Variants in DMBX1 observed in about 807,000 individuals in gnomAD.
The protein encoded by DMBX1 is diencephalon/mesencephalon homeobox 1.
Under a neutral mutation model 30.4 loss-of-function variants are expected in DMBX1, and 7 were observed. The observed-to-expected ratio is 0.23, with a 90% CI of 0.13 to 0.43. The LOEUF (loss-of-function observed/expected upper bound fraction) is 0.43, where lower values mean the gene tolerates loss of function less well. DMBX1 is among the 20% of genes least tolerant of loss of function. The probability of loss-of-function intolerance (pLI) is 1.00; values close to 1 mark genes in which losing one functional copy is unlikely to be tolerated. For synonymous variants in DMBX1, 222 were observed against 214.2 expected, an observed-to-expected ratio of 1.04 and a Z score of -0.32; for missense variants, 460 against 508.5, an observed-to-expected ratio of 0.90 and a Z score of 0.92.
chr1:46,508,813 C>T (rs978159284), intron 3 of DMBX1, among the ~76,000 whole-genome samples: 3 of 145,114 alleles, frequency 2.1e-5, no homozygotes, highest in African/African-American at 7.6e-5. Flanking sequence ...TACACGCCCC[C>T]CACCCCCCAC....
At chr1:46,511,667 C>A (rs1276602639) in intron 5 of DMBX1, among the ~76,000 whole-genome samples, 3 of 152,030 alleles carry the variant, frequency 2.0e-5, no homozygotes, top group Admixed American at 1.3e-4. Flanking sequence ...AGAGCTCTGG[C>A]ATGAGGCATA....
chr1:46,496,074 G>C (rs185354438), intron 2 of DMBX1, among the ~76,000 whole-genome samples: 4 of 152,334 alleles, frequency 2.6e-5, no homozygotes, highest in Non-Finnish European at 5.9e-5. Flanking sequence ...GCCCCTGGCA[G>C]GGGGAGGAAG....
intron 2 of DMBX1, among the ~76,000 whole-genome samples, chr1:46,492,429 C>T (rs956691033): frequency 7.9e-5 from 12 of 152,192 alleles, no homozygotes; most frequent in Admixed American, 6.5e-4. Context: ...CTCTCCTGGG[C>T]GTCAGTGCTC....
rs1281052204 is a variant in DMBX1 at position 46,514,357 on chromosome 1, G to A, written c.*1863G>A. 6.6e-6 allele frequency: 1 copy of A among 152,222 alleles called. No homozygotes were observed. Among genetic ancestry groups the A allele is most frequent in the Non-Finnish European group, 1.5e-5 (1 of 68,050 alleles). The allele number at this position is 152,222 out of a possible 1,614,324, so 9.4% of individuals were successfully genotyped here. A position where few individuals can be genotyped will look rare whatever the true frequency, so the allele number is the denominator to read the frequency against. ...CATTTGCTCGCAACCTTGTAACACA[G>A]AAGTTTTTAGTTAAATTGACAACAG... On this transcript the variant is annotated 3_prime_UTR_variant, in exon 6 of 6. Coordinates refer to ENST00000360032, the MANE Select transcript of DMBX1 (RefSeq NM_172225.2).
At chr1:46,506,464 G>C (rs1666237670) in intron 2 of DMBX1, among the ~76,000 whole-genome samples, 1 of 152,242 alleles carries the variant, frequency 6.6e-6, no homozygotes, top group Non-Finnish European at 1.5e-5. Context: ...ATAAGTGTGT[G>C]AGTGAATCAA....
rs781013613 is a variant in DMBX1, at chr1:46,511,147, A to G, written c.546A>G (p.Ser182=). 3 of 1,613,994 alleles carry G rather than the reference A, an allele frequency of 1.9e-6. No homozygotes were observed. In the Admixed American group the frequency reaches 5.0e-5, roughly 27 times the overall value. ...AELHLSLSEQ[S]ASESAPEDQP... Reference sequence around the variant, plus strand: ...TTCACCTGAGTCTGTCTGAGCAGTCAGCCAGTGAGTCAGCCCCCGAGGATC... The same window carrying G: ...TTCACCTGAGTCTGTCTGAGCAGTCGGCCAGTGAGTCAGCCCCCGAGGATC... Residue 182 remains serine (S), a synonymous_variant, in exon 5 of 6, where the codon TCA becomes TCG. Coordinates refer to ENST00000360032, the MANE Select transcript of DMBX1 (RefSeq NM_172225.2).
At position 46,510,326 on chromosome 1, in the gene DMBX1, G is replaced by T. The variant is rs531106718; in HGVS notation, c.155-150G>T. The T allele has an allele frequency of 4.4e-6, 4 of 911,840 alleles. No individual in the cohort carries two copies. The highest frequency in any genetic ancestry group is 1.7e-5 in the African/African-American group (1 of 59,550). The allele number at this position is 911,840 out of a possible 1,614,324, so 56.5% of individuals were successfully genotyped here. A position where few individuals can be genotyped will look rare whatever the true frequency, so the allele number is the denominator to read the frequency against. On this transcript the variant is annotated intron_variant, in intron 3 of 5. Coordinates refer to ENST00000360032, the MANE Select transcript of DMBX1 (RefSeq NM_172225.2). The surrounding 1 kb of genome is among the most constrained non-coding windows in gnomAD (Gnocchi z 4.1). ...AAAGCCCACAGCCATATGGAGAGGGGATGGCTGATTTCTAAGGGTAAGGGA... is the reference window on the plus strand; with the variant it reads ...AAAGCCCACAGCCATATGGAGAGGGTATGGCTGATTTCTAAGGGTAAGGGA...
chr1:46,510,313 C>T lies in DMBX1; in HGVS notation c.155-163C>T. Reference sequence around the variant, plus strand: ...TGGAGAGACCTTGAAAGCCCACAGCCATATGGAGAGGGGATGGCTGATTTC... The same window carrying T: ...TGGAGAGACCTTGAAAGCCCACAGCTATATGGAGAGGGGATGGCTGATTTC... On this transcript the variant is annotated intron_variant, in intron 3 of 5. Transcript: ENST00000360032. The surrounding 1 kb of genome is among the most constrained non-coding windows in gnomAD (Gnocchi z 4.1). 2.4e-6 allele frequency: 2 copies of T among 817,826 alleles called. No homozygotes were observed. The highest frequency in any genetic ancestry group is 2.9e-5 in the Admixed American group (1 of 34,706). The allele number at this position is 817,826 out of a possible 1,614,324, so 50.7% of individuals were successfully genotyped here. A position where few individuals can be genotyped will look rare whatever the true frequency, so the allele number is the denominator to read the frequency against.
chr1:46,505,406 A>C (rs1214847234), intron 2 of DMBX1, among the ~76,000 whole-genome samples: 1 of 139,020 alleles, frequency 7.2e-6, no homozygotes, highest in African/African-American at 2.7e-5. Context: ...TACACCATGG[A>C]ATACTATGCA....
intron 2 of DMBX1, among the ~76,000 whole-genome samples, chr1:46,495,237 G>A (rs548656346): frequency 2.0e-5 from 3 of 152,290 alleles, no homozygotes; most frequent in East Asian, 3.9e-4. Flanking sequence ...AAAGTCCATC[G>A]CTCAACAGGC....
In DMBX1 at chr1:46,515,400, A is replaced by G. The variant is rs1252918888; in HGVS notation, c.*2906A>G. ...AGCCTTAGATATCACTACCTCCTCCAGGAAGCCTCCCCTGAACTCCTAAGG... is the reference window on the plus strand; with the variant it reads ...AGCCTTAGATATCACTACCTCCTCCGGGAAGCCTCCCCTGAACTCCTAAGG... On this transcript the variant is annotated 3_prime_UTR_variant, in exon 6 of 6. Coordinates refer to ENST00000360032, the MANE Select transcript of DMBX1 (RefSeq NM_172225.2). 6.6e-6 allele frequency among the ~76,000 whole-genome samples: 1 copy of G among 152,216 alleles called. No homozygotes were observed. The highest frequency in any genetic ancestry group is 6.5e-5 in the Admixed American group (1 of 15,282).
In DMBX1 at chr1:46,510,340, A is replaced by G; in HGVS notation, c.155-136A>G. On this transcript the variant is annotated intron_variant, in intron 3 of 5. Coordinates refer to ENST00000360032, the MANE Select transcript of DMBX1 (RefSeq NM_172225.2). This position sits in a 1 kb window ranked among gnomAD's most constrained non-coding sequence, Gnocchi z 4.1. ...TATGGAGAGGGGATGGCTGATTTCT[A>G]AGGGTAAGGGACCAGGGCCAGCTCT... 9.2e-7 allele frequency: 1 copy of G among 1,089,600 alleles called. No homozygotes were observed. Among genetic ancestry groups the G allele is most frequent in the Non-Finnish European group, 1.3e-6 (1 of 781,678 alleles). 67.5% of individuals were successfully genotyped at this position (1,089,600 alleles called of 1,614,324 possible). A position where few individuals can be genotyped will look rare whatever the true frequency, so the allele number is the denominator to read the frequency against.
chr1:46,499,594 G>A (rs942094326), intron 2 of DMBX1, among the ~76,000 whole-genome samples: 1 of 152,170 alleles, frequency 6.6e-6, no homozygotes, highest in African/African-American at 2.4e-5. Context: ...TACGGTGTTG[G>A]GAGAATTGAT....
chr1:46,489,921 G>A (rs151194943), intron 1 of DMBX1, among the ~76,000 whole-genome samples, 44 bp downstream of exon 1: 3,804 of 152,216 alleles, frequency 0.025, 66 homozygotes, highest in Middle Eastern at 0.038. Flanking sequence ...GAGTAGTGCG[G>A]GACAGTCGCT....
intron 3 of DMBX1, among the ~76,000 whole-genome samples, chr1:46,508,888 C>T (rs1193633970): frequency 2.1e-5 from 3 of 145,292 alleles, no homozygotes; most frequent in Non-Finnish European, 4.5e-5. Flanking sequence ...CCTTCCCCAA[C>T]CAGAGTGGGG....
chr1:46,492,183 C>T (rs886335962), intron 2 of DMBX1, among the ~76,000 whole-genome samples: 4 of 152,212 alleles, frequency 2.6e-5, no homozygotes, highest in African/African-American at 7.2e-5. Context: ...GACAAGCACT[C>T]GGGCCTCGGG....
intron 2 of DMBX1, among the ~76,000 whole-genome samples, chr1:46,492,853 G>A (rs1382510422): frequency 5.9e-5 from 9 of 152,118 alleles, no homozygotes; most frequent in Admixed American, 5.9e-4. Context: ...TTAAACTCAC[G>A]CAGACACTCA....
At position 46,512,034 on chromosome 1, in the gene DMBX1, T is replaced by C; in HGVS notation, c.683-9T>C. 6.2e-7 allele frequency: 1 copy of C among 1,606,328 alleles called. No homozygotes were observed. Among genetic ancestry groups the C allele is most frequent in the Non-Finnish European group, 8.5e-7 (1 of 1,177,864 alleles). The stretch of plus-strand genomic sequence containing the variant: ...CTGAGGGCTTTGTTCTTGGGTTCTC[T>C]GCTTGCAGATTCCCCAGGCAGCCTG... On this transcript the variant is annotated splice_polypyrimidine_tract_variant and intron_variant, in intron 5 of 5. Coordinates refer to ENST00000360032, the MANE Select transcript of DMBX1 (RefSeq NM_172225.2). This position sits in a 1 kb window ranked among gnomAD's most constrained non-coding sequence, Gnocchi z 4.8.
Position 46,493,013 on chromosome 1 carries a change from C to G in DMBX1, c.-13+2230C>G, listed in dbSNP as rs952170653. ...TATTCCCGCCACTCTCTCCAGGCCT[C>G]GAAGTTACTCCTCCTCCTCCGGCCA... On this transcript the variant is annotated intron_variant, in intron 2 of 5. Coordinates refer to ENST00000360032, the MANE Select transcript of DMBX1 (RefSeq NM_172225.2). The surrounding 1 kb of genome is among the most constrained non-coding windows in gnomAD (Gnocchi z 4.1). Among the ~76,000 whole-genome samples, 4 of 152,056 alleles carry G rather than the reference C, an allele frequency of 2.6e-5. No individual in the cohort carries two copies. The highest frequency in any genetic ancestry group is 9.7e-5 in the African/African-American group (4 of 41,386).
Sources: gnomAD v4.1 joint callset for allele counts (sites outside exome capture counted in the v4.1 genomes callset) on GRCh38, gnomAD v4.1.1 for gene constraint, Gnocchi (gnomAD v3.1) non-coding constraint, MANE v1.5 for transcripts, NCBI Gene and HGNC (gene_info 2026-07-23, HGNC 2026-07-21) for gene names.